Variants in MYO9A observed in about 807,000 individuals in gnomAD.
MYO9A encodes myosin IXA.
In MYO9A, 103 loss-of-function variants were observed where a neutral mutation model predicts 293.3. The ratio of observed to expected loss-of-function variants is 0.35; its 90% confidence interval spans 0.30 to 0.41. MYO9A has a LOEUF of 0.41. Among genes scored for constraint, MYO9A ranks in the 10% least tolerant of loss-of-function variants. The pLI, the probability that MYO9A is intolerant of heterozygous loss-of-function variation, is 1.00. For missense variants in MYO9A, 2,685 were observed against 3,033.0 expected (o/e 0.89, Z 2.69); for synonymous variants, 1,001 against 1,035.7 (o/e 0.97, Z 0.64).
intron 6 of MYO9A, among the ~76,000 whole-genome samples, chr15:72,013,319 G>A (rs1039006433): frequency 2.6e-5 from 4 of 152,184 alleles, no homozygotes; most frequent in African/African-American, 9.6e-5. Context: ...CTTCTGGAGA[G>A]GGAGCAGGCA....
chr15:71,962,601 A>G (rs898044156), intron 13 of MYO9A, among the ~76,000 whole-genome samples: 1 of 152,256 alleles, frequency 6.6e-6, no homozygotes, highest in Admixed American at 6.5e-5. Flanking sequence ...GCTGTGAGGC[A>G]TGAACTTAAT....
At chr15:72,116,334 C>T (rs1269027541) in intron 1 of MYO9A, among the ~76,000 whole-genome samples, 1 of 152,122 alleles carries the variant, frequency 6.6e-6, no homozygotes, top group Admixed American at 6.5e-5. Context: ...TATATTTCAT[C>T]TTTATACCAA....
chr15:71,975,600 C>T (rs2076124983), intron 12 of MYO9A, among the ~76,000 whole-genome samples: 1 of 152,136 alleles, frequency 6.6e-6, no homozygotes, highest in South Asian at 2.1e-4. Flanking sequence ...CTCTAACCTC[C>T]TGTCTTCCTT....
rs1396557095 is a variant in MYO9A, at chr15:71,825,833, C to G, written c.*747G>C. On this transcript the variant is annotated 3_prime_UTR_variant, in exon 42 of 42. Transcript: ENST00000356056. ...ACAGTATGGCTACTGACACTTCAGC[C>G]CATGCAATGTATTTGGCAGGAACTA... The G allele has an allele frequency of 6.6e-6, 1 of 152,086 alleles. No individual in the cohort carries two copies. The highest frequency in any genetic ancestry group is 1.5e-5 in the Non-Finnish European group (1 of 68,010). The allele number at this position is 152,086 out of a possible 1,614,324, so 9.4% of individuals were successfully genotyped here.
chr15:72,043,632 A>T (rs2078292615), intron 2 of MYO9A, among the ~76,000 whole-genome samples: 1 of 152,224 alleles, frequency 6.6e-6, no homozygotes, highest in Non-Finnish European at 1.5e-5. Context: ...AATGGTAGAA[A>T]ATGCATACTA....
chr15:72,010,389 G>A lies in MYO9A; in HGVS notation c.1214C>T (p.Ala405Val), dbSNP rs1400602435. 1 of 1,613,174 alleles carries A rather than the reference G, an allele frequency of 6.2e-7. No individual in the cohort carries two copies. The highest frequency in any genetic ancestry group is 1.1e-5 in the South Asian group (1 of 90,950). ...LRHDFERLQL[A>V]MEMVGFLPKT... ...GGGAAGAAATCCTACCATTTCCATGGCAAGTTGTAGGCGCTCAAAGTCATG... is the reference window on the plus strand; with the variant it reads ...GGGAAGAAATCCTACCATTTCCATGACAAGTTGTAGGCGCTCAAAGTCATG... Residue 405 changes from alanine (A) to valine (V), a missense_variant, in exon 7 of 42, where the codon GCC (alanine) becomes GTC (valine). Around this residue, in one of 10 missense-constraint regions of MYO9A, gnomAD observed 289 missense variants for 456.8 expected, o/e 0.63. Coordinates refer to ENST00000356056, the MANE Select transcript of MYO9A (RefSeq NM_006901.4).
At position 71,854,393 on chromosome 15, in the gene MYO9A, C is replaced by T. The variant is rs749487255; in HGVS notation, c.6330G>A (p.Arg2110=). 2 of 1,593,454 alleles carry T rather than the reference C, an allele frequency of 1.3e-6. No homozygotes were observed. The highest frequency in any genetic ancestry group is 1.4e-5 in the African/African-American group (1 of 74,006). ...SGSTNKIKEL[R]QGLDTDAESV... ...CTATCTTACCTGTATCTAGACCCTG[C>T]CGAAGCTCCTTGATTTTATTAGTCG... Residue 2110 remains arginine, a synonymous_variant, in exon 35 of 42, where the codon CGG becomes CGA. Transcript: ENST00000356056.
rs762831071 is a variant in MYO9A, at chr15:71,850,174, A to T, written c.6582-7T>A. 1 of 1,613,934 alleles carries T rather than the reference A, an allele frequency of 6.2e-7. No homozygotes were observed. Among genetic ancestry groups the T allele is most frequent in the South Asian group, 1.1e-5 (1 of 91,080 alleles). On this transcript the variant is annotated splice_polypyrimidine_tract_variant and splice_region_variant and intron_variant, in intron 37 of 41. Transcript: ENST00000356056. ...GTCTTCCTGCAGAGCAATCCTAAGA[A>T]TTAAAACAAAACAAAAAACAAATGA...
Position 71,880,389 on chromosome 15 carries a change from C to T in MYO9A, c.5568G>A (p.Gln1856=). The change falls in exon 29 of 42, where the codon CAG becomes CAA. Residue 1856 remains glutamine (Q), a synonymous_variant. Transcript: ENST00000356056. ...DSMHWQNDSV[Q]IIASVSDLKS... ...TTAAATCACTGACACTTGCTATGAT[C>T]TGGACAGAGTCATTTTGCCAATGCA... 2 of 1,614,222 alleles carry T rather than the reference C, an allele frequency of 1.2e-6. No homozygotes were observed. Among genetic ancestry groups the T allele is most frequent in the Non-Finnish European group, 1.7e-6 (2 of 1,180,006 alleles).
rs572911564 is a variant in MYO9A at position 72,000,517 on chromosome 15, C to A, written c.1381-577G>T. On this transcript the variant is annotated intron_variant, in intron 8 of 41. Transcript: ENST00000356056. ...ATTATCATTTCAGTTAATATTTCTA[C>A]ACTTTTACATGTATTAAATATGTTC... Among the ~76,000 whole-genome samples the A allele has an allele frequency of 2.0e-4, 30 of 152,310 alleles. No homozygotes were observed. The South Asian group carries it at 5.8e-3, about 29-fold the overall frequency.
chr15:71,887,917 G>T (rs1596112356), intron 27 of MYO9A, 87 bp downstream of exon 27: 1 of 723,694 alleles, frequency 1.4e-6, no homozygotes, highest in Non-Finnish European at 2.1e-6. Context: ...ATCAATTATG[G>T]TTTTTTTAAA....
chr15:71,834,745 G>A (rs1450605369), intron 39 of MYO9A, among the ~76,000 whole-genome samples: 2 of 152,042 alleles, frequency 1.3e-5, no homozygotes, highest in Non-Finnish European at 2.9e-5. Context: ...CAGCCTGGGT[G>A]ATAACAGTGA....
At chr15:71,935,239 A>T in intron 17 of MYO9A, 102 bp downstream of exon 17, 1 of 1,251,212 alleles carries the variant, frequency 8.0e-7, no homozygotes, top group Non-Finnish European at 1.1e-6. Flanking sequence ...CCATGAAAAT[A>T]ACATTTCACC....
chr15:71,875,059 C>T (rs1213305421), intron 32 of MYO9A, among the ~76,000 whole-genome samples: 1 of 152,076 alleles, frequency 6.6e-6, no homozygotes, highest in African/African-American at 2.4e-5. Flanking sequence ...AGATTATGCA[C>T]ACCTTAAGGG....
At chr15:71,971,030 G>GGGCGCC (rs2075996475) in intron 12 of MYO9A, among the ~76,000 whole-genome samples, 2 of 151,846 alleles carry the variant, frequency 1.3e-5, no homozygotes, top group Non-Finnish European at 2.9e-5. Flanking sequence ...GCATGGGGGC[G>GGGCGCC]GGCGCCTGTA....
intron 34 of MYO9A, among the ~76,000 whole-genome samples, chr15:71,856,757 C>T (rs2055880965): frequency 6.6e-6 from 1 of 152,130 alleles, no homozygotes; most frequent in South Asian, 2.1e-4. Context: ...TAATATCACA[C>T]AACATCTCTG....
intron 4 of MYO9A, 89 bp from the exon 5 acceptor site, chr15:72,021,106 TA>T: frequency 1.3e-6 from 1 of 745,416 alleles, no homozygotes; most frequent in Non-Finnish European, 2.2e-6. Flanking sequence ...CAGTAATTAG[TA>T]AAATGTATCA....
intron 10 of MYO9A, among the ~76,000 whole-genome samples, chr15:71,992,512 A>C (rs1387181958): frequency 6.6e-6 from 1 of 152,222 alleles, no homozygotes; most frequent in African/African-American, 2.4e-5. Context: ...TAGGCCCTTA[A>C]AAAAATTAAA....
intron 4 of MYO9A, among the ~76,000 whole-genome samples, chr15:72,025,354 CA>C (rs760103797): frequency 2.2e-4 from 33 of 152,032 alleles, no homozygotes; most frequent in Non-Finnish European, 4.0e-4. Flanking sequence ...CCCAAAAAAA[CA>C]TTGAGCAAAA....
Sources: allele counts gnomAD v4.1 joint callset (sites outside exome capture counted in the v4.1 genomes callset), GRCh38; gene constraint gnomAD v4.1.1; regional missense constraint gnomAD v4.1.1; transcripts MANE v1.5; gene names NCBI Gene and HGNC (gene_info 2026-07-23, HGNC 2026-07-21).